The following PITPNM2 variants were observed in gnomAD, a reference collection of about 807,000 sequenced individuals.
PITPNM2 encodes the protein phosphatidylinositol transfer protein membrane associated 2, also known as membrane-associated phosphatidylinositol transfer protein 2.
A neutral mutation model predicts 132.2 loss-of-function variants in PITPNM2; 35 were observed. That is an observed-to-expected ratio of 0.26 (90% CI 0.20 to 0.35). PITPNM2 has a LOEUF of 0.35. Ranked by LOEUF, PITPNM2 falls within the 10% of genes least tolerant of loss-of-function variation. The probability of loss-of-function intolerance (pLI) is 1.00; values close to 1 mark genes in which losing one functional copy is unlikely to be tolerated. For synonymous variants in PITPNM2, 738 were observed against 799.2 expected, an observed-to-expected ratio of 0.92 and a Z score of 1.29; for missense variants, 1,332 against 1,912.0, an observed-to-expected ratio of 0.70 and a Z score of 5.66.
At chr12:122,995,796 G>C in intron 13 of PITPNM2, 136 bp from the exon 14 acceptor site, 1 of 1,223,534 alleles carries the variant, frequency 8.2e-7, no homozygotes, top group East Asian at 2.6e-5. Flanking sequence ...CCAAACCAGA[G>C]GGGAGGGCCC....
intron 1 of PITPNM2, among the ~76,000 whole-genome samples, chr12:123,145,714 A>G (rs1192673844): frequency 6.6e-6 from 1 of 152,158 alleles, no homozygotes; most frequent in Non-Finnish European, 1.5e-5. Context: ...AGTTGTTAAT[A>G]TAAGTAATTT....
At position 123,097,242 on chromosome 12, in the gene PITPNM2, C is replaced by T. The variant is rs2042433938; in HGVS notation, c.-96+13143G>A. On this transcript the variant is annotated intron_variant, in intron 2 of 25. Coordinates refer to ENST00000320201, the MANE Select transcript of PITPNM2 (RefSeq NM_020845.3). This position sits in a 1 kb window ranked among gnomAD's most constrained non-coding sequence, Gnocchi z 4.7. ...ACTTTTAGTAGAGACGGGGTTTTGC[C>T]ATGTTGGCCAGGCTGGTCTCGAACT... Among the ~76,000 whole-genome samples, 1 of 152,230 alleles carries T rather than the reference C, an allele frequency of 6.6e-6. No homozygotes were observed. Among genetic ancestry groups the T allele is most frequent in the South Asian group, 2.1e-4 (1 of 4,824 alleles).
chr12:123,043,695 G>A (rs557934639), intron 2 of PITPNM2, among the ~76,000 whole-genome samples: 2 of 152,342 alleles, frequency 1.3e-5, no homozygotes, highest in South Asian at 4.1e-4. Context: ...GTTAAGTTAT[G>A]AGGCATCGCT....
chr12:123,149,302 C>A (rs1320469932), intron 1 of PITPNM2, among the ~76,000 whole-genome samples: 1 of 152,200 alleles, frequency 6.6e-6, no homozygotes, highest in Non-Finnish European at 1.5e-5. Flanking sequence ...CTTTGCCTGG[C>A]CATCTTCAGG....
chr12:123,092,631 TC>T (rs1047084436), intron 2 of PITPNM2: 5 of 152,344 alleles, frequency 3.3e-5, no homozygotes, highest in African/African-American at 9.6e-5. Context: ...CATGGCTGGC[TC>T]CCCAGGTTCG....
intron 2 of PITPNM2, among the ~76,000 whole-genome samples, chr12:123,051,880 G>A (rs960864080): frequency 6.6e-6 from 1 of 150,440 alleles, no homozygotes; most frequent in African/African-American, 2.4e-5. Context: ...GGTCATGTAA[G>A]TTCATCTTTC....
chr12:123,000,896 T>C lies in PITPNM2; in HGVS notation c.1154-48A>G. 6.2e-7 allele frequency: 1 copy of C among 1,607,374 alleles called. No individual in the cohort carries two copies. Among genetic ancestry groups the C allele is most frequent in the Non-Finnish European group, 8.5e-7 (1 of 1,174,290 alleles). ...CTGTGAGCTGAGGGGCAGCCCAACCTGGCCGACCGGACAGAGGCTGCAACT... is the reference window on the plus strand; with the variant it reads ...CTGTGAGCTGAGGGGCAGCCCAACCCGGCCGACCGGACAGAGGCTGCAACT... On this transcript the variant is annotated intron_variant, in intron 9 of 25. Coordinates refer to ENST00000320201, the MANE Select transcript of PITPNM2 (RefSeq NM_020845.3). This position sits in a 1 kb window ranked among gnomAD's most constrained non-coding sequence, Gnocchi z 5.4.
chr12:123,097,585 C>G lies in PITPNM2; in HGVS notation c.-96+12800G>C, dbSNP rs2042444183. 6.6e-6 allele frequency among the ~76,000 whole-genome samples: 1 copy of G among 152,200 alleles called. No homozygotes were observed. Among genetic ancestry groups the G allele is most frequent in the African/African-American group, 2.4e-5 (1 of 41,428 alleles). On this transcript the variant is annotated intron_variant, in intron 2 of 25. Transcript: ENST00000320201. This position sits in a 1 kb window ranked among gnomAD's most constrained non-coding sequence, Gnocchi z 4.7. ...TGATGGCATGGATGGGGAGGGGTTC[C>G]AGCAGACTTATTTATAGCCAAGCAG... is the stretch of plus-strand genomic sequence containing the variant.
At position 123,008,201 on chromosome 12, in the gene PITPNM2, C is replaced by T. The variant is rs1343040740; in HGVS notation, c.643+1649G>A. 6.6e-6 allele frequency among the ~76,000 whole-genome samples: 1 copy of T among 152,196 alleles called. No individual in the cohort carries two copies. Among genetic ancestry groups the T allele is most frequent in the Non-Finnish European group, 1.5e-5 (1 of 68,028 alleles). ...GCTTTCTGAGGGGAGAACTGACTTT[C>T]AGGGAGCTGGGGAGTCTCTGCAGCT... is the stretch of plus-strand genomic sequence containing the variant. On this transcript the variant is annotated intron_variant, in intron 6 of 25. Transcript: ENST00000320201. The surrounding 1 kb of genome is among the most constrained non-coding windows in gnomAD (Gnocchi z 4.1).
chr12:123,125,493 T>C (rs567678161), intron 1 of PITPNM2, among the ~76,000 whole-genome samples: 1 of 152,262 alleles, frequency 6.6e-6, no homozygotes, highest in Admixed American at 6.5e-5. Context: ...TCTAATTATT[T>C]TATGTTTTAA....
In PITPNM2 at chr12:123,099,253, C is replaced by T. The variant is rs975541531; in HGVS notation, c.-96+11132G>A. On this transcript the variant is annotated intron_variant, in intron 2 of 25. Transcript: ENST00000320201. The surrounding 1 kb of genome is among the most constrained non-coding windows in gnomAD (Gnocchi z 4.2). ...TTTTGCTGAAAAAAAAAATATATAT[C>T]TTTTTTTTTAAAGAATGAAACCTCA... Among the ~76,000 whole-genome samples the T allele has an allele frequency of 2.0e-5, 3 of 151,476 alleles. No individual in the cohort carries two copies. Among genetic ancestry groups the T allele is most frequent in the Admixed American group, 2.0e-4 (3 of 15,206 alleles).
rs2039051524 is a variant in PITPNM2 at position 123,008,856 on chromosome 12, T to A, written c.643+994A>T. On this transcript the variant is annotated intron_variant, in intron 6 of 25. Transcript: ENST00000320201. This position sits in a 1 kb window ranked among gnomAD's most constrained non-coding sequence, Gnocchi z 4.1. ...ACCGCGTCCTTGGACCCCAATCCTT[T>A]CGGGTACACATCCACCCTTCCCTTG... Among the ~76,000 whole-genome samples, 1 of 152,196 alleles carries A rather than the reference T, an allele frequency of 6.6e-6. No homozygotes were observed. Among genetic ancestry groups the A allele is most frequent in the South Asian group, 2.1e-4 (1 of 4,834 alleles).
In PITPNM2 at chr12:123,083,083, A is replaced by G. The variant is rs2042011583; in HGVS notation, c.-96+27302T>C. The G allele has an allele frequency of 6.6e-6, 1 of 152,248 alleles. No homozygotes were observed. Among genetic ancestry groups the G allele is most frequent in the Admixed American group, 6.5e-5 (1 of 15,288 alleles). 9.4% of individuals were successfully genotyped at this position (152,248 alleles called of 1,614,324 possible). The stretch of plus-strand genomic sequence containing the variant: ...AATATTGCCTGCCCAGGCACAGTAC[A>G]GTAGCATACGCTTGTAGTCCCAGCT... On this transcript the variant is annotated intron_variant, in intron 2 of 25. Coordinates refer to ENST00000320201, the MANE Select transcript of PITPNM2 (RefSeq NM_020845.3). This position sits in a 1 kb window ranked among gnomAD's most constrained non-coding sequence, Gnocchi z 4.5.
At chr12:123,122,684 A>G (rs1369143212) in intron 1 of PITPNM2, among the ~76,000 whole-genome samples, 2 of 152,204 alleles carry the variant, frequency 1.3e-5, no homozygotes, top group Admixed American at 1.3e-4. Context: ...CATATCTTCC[A>G]GACCACAACC....
chr12:123,025,286 A>T (rs181812597), intron 3 of PITPNM2, among the ~76,000 whole-genome samples: 1 of 152,182 alleles, frequency 6.6e-6, no homozygotes, highest in Non-Finnish European at 1.5e-5. Flanking sequence ...GGCACAAAAA[A>T]TGTGCTATAT....
intron 3 of PITPNM2, among the ~76,000 whole-genome samples, chr12:123,017,123 C>T (rs1204987972): frequency 2.0e-5 from 3 of 151,340 alleles, no homozygotes; most frequent in Non-Finnish European, 2.9e-5. Context: ...GTAATCCCAG[C>T]ACTTTGGGAG....
chr12:123,096,703 G>A lies in PITPNM2; in HGVS notation c.-96+13682C>T, dbSNP rs536062933. On this transcript the variant is annotated intron_variant, in intron 2 of 25. Coordinates refer to ENST00000320201, the MANE Select transcript of PITPNM2 (RefSeq NM_020845.3). Reference sequence around the variant, plus strand: ...CAAGGGTCCCAACACCAGCCAGCCTGGGCTGAGCAGTGAGGACCTGGAACC... The same window carrying A: ...CAAGGGTCCCAACACCAGCCAGCCTAGGCTGAGCAGTGAGGACCTGGAACC... Among the ~76,000 whole-genome samples the A allele has an allele frequency of 3.3e-5, 5 of 152,284 alleles. No homozygotes were observed. The East Asian group carries it at 9.6e-4, about 29-fold the overall frequency.
Position 123,064,115 on chromosome 12 carries a change from T to C in PITPNM2, c.-95-29430A>G, listed in dbSNP as rs2136810346. ...GTCAGGACTAGGGGAAACAAATCAT[T>C]GATATCATTTTGTCACTATGCATTA... On this transcript the variant is annotated intron_variant, in intron 2 of 25. Transcript: ENST00000320201. This position sits in a 1 kb window ranked among gnomAD's most constrained non-coding sequence, Gnocchi z 4.0. 6.6e-6 allele frequency among the ~76,000 whole-genome samples: 1 copy of C among 152,232 alleles called. No homozygotes were observed. Among genetic ancestry groups the C allele is most frequent in the Non-Finnish European group, 1.5e-5 (1 of 68,020 alleles).
chr12:123,125,534 A>G (rs932929447), intron 1 of PITPNM2, among the ~76,000 whole-genome samples: 2 of 152,106 alleles, frequency 1.3e-5, no homozygotes, highest in African/African-American at 2.4e-5. Context: ...CTTTTGGAAT[A>G]GCAGAACGCA....
Sources: gnomAD v4.1 joint callset for allele counts (sites outside exome capture counted in the v4.1 genomes callset) on GRCh38, gnomAD v4.1.1 for gene constraint, Gnocchi (gnomAD v3.1) non-coding constraint, MANE v1.5 for transcripts, NCBI Gene and HGNC (gene_info 2026-07-23, HGNC 2026-07-21) for gene names.